MAN1C1: variants seen among roughly 807,000 people sequenced by gnomAD.
MAN1C1 encodes mannosyl-oligosaccharide 1,2-alpha-mannosidase IC.
In MAN1C1, 49 loss-of-function variants were observed where a neutral mutation model predicts 71.5. The ratio of observed to expected loss-of-function variants is 0.69; its 90% CI spans 0.54 to 0.87. The LOEUF (loss-of-function observed/expected upper bound fraction) is 0.87, where lower values mean the gene tolerates loss of function less well. Among genes scored for constraint, MAN1C1 ranks in the 40% least tolerant of loss-of-function variants. The pLI is 0.00. For synonymous variants in MAN1C1, 352 were observed against 343.7 expected (o/e 1.02, Z -0.27); for missense variants, 743 against 835.0 (o/e 0.89, Z 1.36).
chr1:25,691,323 A>G (rs1301177730), intron 2 of MAN1C1, among the ~76,000 whole-genome samples: 2 of 152,168 alleles, frequency 1.3e-5, no homozygotes, highest in African/African-American at 2.4e-5. Flanking sequence ...AAAAACAACA[A>G]CAACAACAAT....
intron 1 of MAN1C1, among the ~76,000 whole-genome samples, chr1:25,662,570 G>GCGCGCA (rs1553184250): frequency 6.6e-6 from 1 of 151,628 alleles, no homozygotes; most frequent in Admixed American, 6.6e-5. Flanking sequence ...GCACACATGC[G>GCGCGCA]CACACACACA....
Position 25,686,511 on chromosome 1 carries a change from A to T in MAN1C1, c.612A>T (p.Lys204Asn), listed in dbSNP as rs2046233488. Reference sequence around the variant, plus strand: ...AAAACGAACTCCGTCCACTAACAAAAGATGGCTACGAGGGTAACATGTTCG... The same window carrying T: ...AAAACGAACTCCGTCCACTAACAAATGATGGCTACGAGGGTAACATGTTCG... The part of the protein sequence containing the change: ...MGKNELRPLT[K>N]DGYEGNMFGG... The change falls in exon 2 of 12, where the codon AAA (lysine) becomes AAT (asparagine). Residue 204 changes from lysine to asparagine, a missense_variant. Lys to Asn is a moderately conservative substitution (Grantham distance 94). Coordinates refer to ENST00000374332, the MANE Select transcript of MAN1C1 (RefSeq NM_020379.4). The T allele has an allele frequency of 6.2e-7, 1 of 1,614,074 alleles. No individual in the cohort carries two copies. Among genetic ancestry groups the T allele is most frequent in the Admixed American group, 1.7e-5 (1 of 60,004 alleles).
intron 2 of MAN1C1, among the ~76,000 whole-genome samples, chr1:25,694,601 A>G (rs1252795086): frequency 2.6e-5 from 4 of 152,160 alleles, no homozygotes; most frequent in African/African-American, 9.7e-5. Context: ...CCAAGATGTC[A>G]TTTTTACAAT....
chr1:25,637,946 A>G (rs2045486477), intron 1 of MAN1C1, among the ~76,000 whole-genome samples: 1 of 151,044 alleles, frequency 6.6e-6, no homozygotes, highest in East Asian at 1.9e-4. Context: ...TTTAAAATGT[A>G]CCTCTTATAA....
At chr1:25,655,773 T>C (rs1407856738) in intron 1 of MAN1C1, among the ~76,000 whole-genome samples, 2 of 152,204 alleles carry the variant, frequency 1.3e-5, no homozygotes, top group Admixed American at 1.3e-4. Flanking sequence ...AGGGACTTGT[T>C]CTGGGGGTTA....
At chr1:25,715,937 A>T (rs1226260005) in intron 2 of MAN1C1, among the ~76,000 whole-genome samples, 2 of 152,144 alleles carry the variant, frequency 1.3e-5, no homozygotes, top group Admixed American at 1.3e-4. Flanking sequence ...ATCGTCAGGG[A>T]CTTAGGTTCC....
intron 2 of MAN1C1, among the ~76,000 whole-genome samples, chr1:25,728,861 A>G (rs1467960780): frequency 3.9e-5 from 6 of 152,120 alleles, no homozygotes; most frequent in Admixed American, 3.9e-4. Context: ...AGAGGATATT[A>G]CCCTCAAATA....
rs555060707 is a variant in MAN1C1, at chr1:25,776,460, C to G, written c.1258-1645C>G. ...CCCAGCTACTTGGGAGGCTGAGGCA[C>G]GAGAATGGTTTAAACTTGGGAGGCG... On this transcript the variant is annotated intron_variant, in intron 8 of 11. Transcript: ENST00000374332. The surrounding 1 kb of genome is among the most constrained non-coding windows in gnomAD (Gnocchi z 4.3). Among the ~76,000 whole-genome samples the G allele has an allele frequency of 1.3e-5, 2 of 152,176 alleles. No individual in the cohort carries two copies. The highest frequency in any genetic ancestry group is 4.2e-4 in the South Asian group (2 of 4,814).
intron 6 of MAN1C1, among the ~76,000 whole-genome samples, chr1:25,763,164 A>C (rs569534296): frequency 6.6e-6 from 1 of 152,318 alleles, no homozygotes; most frequent in South Asian, 2.1e-4. Context: ...ACTACTGAGG[A>C]GGCTGAGACG....
intron 1 of MAN1C1, among the ~76,000 whole-genome samples, chr1:25,664,061 G>C (rs767637512): frequency 1.2e-4 from 18 of 152,144 alleles, no homozygotes; most frequent in African/African-American, 3.6e-4. Context: ...CCAGAAGGGG[G>C]ATGATCAGGG....
intron 1 of MAN1C1, among the ~76,000 whole-genome samples, chr1:25,628,217 T>C (rs1298468267): frequency 6.6e-6 from 1 of 152,296 alleles, no homozygotes; most frequent in East Asian, 1.9e-4. Flanking sequence ...AGAGCTTTAA[T>C]GTATTTTATT....
intron 2 of MAN1C1, among the ~76,000 whole-genome samples, chr1:25,732,679 A>G (rs913450923): frequency 6.6e-6 from 1 of 152,148 alleles, no homozygotes; most frequent in Non-Finnish European, 1.5e-5. Context: ...GGTGGATCCA[A>G]GCGTGGGTTT....
At position 25,746,608 on chromosome 1, in the gene MAN1C1, C is replaced by A. The variant is rs1475362294; in HGVS notation, c.638-60C>A. 2 of 1,329,858 alleles carry A rather than the reference C, an allele frequency of 1.5e-6. No individual in the cohort carries two copies. Among genetic ancestry groups the A allele is most frequent in the Non-Finnish European group, 2.1e-6 (2 of 935,800 alleles). The allele number at this position is 1,329,858 out of a possible 1,614,324, so 82.4% of individuals were successfully genotyped here. A position where few individuals can be genotyped will look rare whatever the true frequency, so the allele number is the denominator to read the frequency against. On this transcript the variant is annotated intron_variant, in intron 2 of 11. Coordinates refer to ENST00000374332, the MANE Select transcript of MAN1C1 (RefSeq NM_020379.4). The surrounding 1 kb of genome is among the most constrained non-coding windows in gnomAD (Gnocchi z 4.0). ...AGGGGCCCTGAGAACGGTGGCTTGT[C>A]CAGTTGGGGAAAAGAGAAAGATGGC...
At chr1:25,650,521 C>T (rs2045677388) in intron 1 of MAN1C1, among the ~76,000 whole-genome samples, 1 of 152,184 alleles carries the variant, frequency 6.6e-6, no homozygotes, top group South Asian at 2.1e-4. Flanking sequence ...GTTTGGGGAG[C>T]TCACGACCCC....
chr1:25,703,191 T>G (rs1402571170), intron 2 of MAN1C1, among the ~76,000 whole-genome samples: 1 of 152,064 alleles, frequency 6.6e-6, no homozygotes, highest in African/African-American at 2.4e-5. Context: ...TCCCATTAGC[T>G]CAGGTGGTGT....
At chr1:25,749,459 G>A (rs1197967515) in intron 4 of MAN1C1, 124 bp downstream of exon 4, 6 of 760,530 alleles carry the variant, frequency 7.9e-6, no homozygotes, top group South Asian at 2.1e-5. Flanking sequence ...TGGGCCTGGG[G>A]CCACCCAAGT....
intron 2 of MAN1C1, among the ~76,000 whole-genome samples, chr1:25,698,811 T>C (rs1230135760): frequency 6.6e-6 from 1 of 151,774 alleles, no homozygotes; most frequent in Non-Finnish European, 1.5e-5. Context: ...TAGCTGGGCA[T>C]GGTGGCATGC....
At position 25,746,318 on chromosome 1, in the gene MAN1C1, C is replaced by T. The variant is rs1340516376; in HGVS notation, c.638-350C>T. ...AGACCCTGTCTCAAAAACAAACAAA[C>T]AAAGATTTTTATATGCCAAAGCAGA... On this transcript the variant is annotated intron_variant, in intron 2 of 11. Coordinates refer to ENST00000374332, the MANE Select transcript of MAN1C1 (RefSeq NM_020379.4). The surrounding 1 kb of genome is among the most constrained non-coding windows in gnomAD (Gnocchi z 4.0). Among the ~76,000 whole-genome samples, 14 of 152,112 alleles carry T rather than the reference C, an allele frequency of 9.2e-5. No individual in the cohort carries two copies.
At chr1:25,747,582 CTGGT>C (rs1200631043) in intron 3 of MAN1C1, among the ~76,000 whole-genome samples, 1 of 152,164 alleles carries the variant, frequency 6.6e-6, no homozygotes, top group African/African-American at 2.4e-5. Context: ...AGGTCTGGGG[CTGGT>C]TCCTGCAGCT....
Sources: gnomAD v4.1 joint callset for allele counts (sites outside exome capture counted in the v4.1 genomes callset) on GRCh38, gnomAD v4.1.1 for gene constraint, Gnocchi (gnomAD v3.1) non-coding constraint, MANE v1.5 for transcripts, NCBI Gene and HGNC (gene_info 2026-07-23, HGNC 2026-07-21) for gene names.